The following ZNF385D variants were observed in gnomAD, a reference collection of about 807,000 sequenced individuals.
ZNF385D encodes zinc finger protein 659.
ZNF385D carries 15 observed loss-of-function variants against 35.8 expected under a neutral mutation model. The ratio of observed to expected loss-of-function variants is 0.42; its 90% CI spans 0.28 to 0.64. ZNF385D has a LOEUF of 0.64. ZNF385D is among the 30% of genes least tolerant of loss of function. ZNF385D has a pLI of 0.23. For synonymous variants in ZNF385D, 212 were observed against 186.8 expected (o/e 1.13, Z -1.10); for missense variants, 474 against 494.6 (o/e 0.96, Z 0.39).
chr3:21,636,518 G>A (rs1012322120), intron 2 of ZNF385D, among the ~76,000 whole-genome samples: 6 of 150,564 alleles, frequency 4.0e-5, no homozygotes, highest in Non-Finnish European at 7.4e-5. Context: ...CAAAGCTGAA[G>A]AACTTGGAGT....
At chr3:22,119,563 G>C (rs1350289700) in intron 3 of ZNF385D, among the ~76,000 whole-genome samples, 1 of 151,954 alleles carries the variant, frequency 6.6e-6, no homozygotes, top group Non-Finnish European at 1.5e-5. Flanking sequence ...TAGCTTCTTA[G>C]AGTTGCTCTG....
chr3:22,164,216 C>CTTTTTTTTTTTTTT lies in ZNF385D; in HGVS notation c.325+4587_325+4600dup, dbSNP rs571978176. Among the ~76,000 whole-genome samples, 675 of 74,926 alleles carry CTTTTTTTTTTTTTT rather than the reference C, an allele frequency of 9.0e-3. 65 individuals carry two copies. The highest frequency in any genetic ancestry group is 0.01 in the Middle Eastern group (1 of 96). 49.2% of individuals were successfully genotyped at this position (74,926 alleles called of 152,430 possible). A position where few individuals can be genotyped will look rare whatever the true frequency, so the allele number is the denominator to read the frequency against. ...CACTATAGGTAATACAAAAGGAGCA[C>CTTTTTTTTTTTTTT]TTTTTTTTTTTTTTTTTTTTTTTTT... On this transcript the variant is annotated intron_variant, in intron 3 of 5. Coordinates refer to the ZNF385D transcript ENST00000494108.
chr3:22,227,352 G>A (rs768977977), intron 2 of ZNF385D, among the ~76,000 whole-genome samples: 44 of 152,058 alleles, frequency 2.9e-4, no homozygotes, highest in Non-Finnish European at 5.7e-4. Flanking sequence ...AAGGAAGGAC[G>A]TGAATCTGAT....
intron 3 of ZNF385D, among the ~76,000 whole-genome samples, chr3:21,773,272 T>C (rs187212244): frequency 7.9e-5 from 12 of 151,446 alleles, no homozygotes; most frequent in Admixed American, 2.6e-4. Flanking sequence ...ATATTTACCA[T>C]TTTGTGCTTT....
chr3:21,629,787 T>G (rs1005684120), intron 2 of ZNF385D, among the ~76,000 whole-genome samples: 12 of 152,072 alleles, frequency 7.9e-5, no homozygotes, highest in African/African-American at 2.9e-4. Context: ...GTTTTTAATA[T>G]CTAGTCATGG....
At position 22,000,642 on chromosome 3, in the gene ZNF385D, A is replaced by C. The variant is rs369202878; in HGVS notation, c.325+168175T>G. 1.8e-3 allele frequency among the ~76,000 whole-genome samples: 275 copies of C among 152,310 alleles called. 3 individuals carry two copies. In the South Asian group the frequency reaches 0.022, roughly 12 times the overall value. ...CAAAGACAAAGAGAGAATTCTAGAA[A>C]CAGCAAGGGAAAAGCATCAAGTCAA... is the stretch of plus-strand genomic sequence containing the variant. On this transcript the variant is annotated intron_variant, in intron 3 of 5. Coordinates refer to the ZNF385D transcript ENST00000494108.
chr3:21,824,371 T>C (rs1694463304), intron 3 of ZNF385D, among the ~76,000 whole-genome samples: 1 of 152,210 alleles, frequency 6.6e-6, no homozygotes, highest in African/African-American at 2.4e-5. Context: ...TACAACTGTG[T>C]AACACTATGC....
intron 3 of ZNF385D, among the ~76,000 whole-genome samples, chr3:22,064,715 G>A (rs911714503): frequency 1.3e-5 from 2 of 152,148 alleles, no homozygotes; most frequent in African/African-American, 2.4e-5. Flanking sequence ...ATGATCTCAC[G>A]TATACATGGA....
At chr3:22,358,257 G>T (rs563683003) in intron 2 of ZNF385D, among the ~76,000 whole-genome samples, 94 of 151,820 alleles carry the variant, frequency 6.2e-4, no homozygotes, top group Non-Finnish European at 1.0e-3. Flanking sequence ...CATAGATACT[G>T]CCCTTTCCAA....
intron 3 of ZNF385D, among the ~76,000 whole-genome samples, chr3:21,815,336 G>A (rs1575702983): frequency 6.6e-6 from 1 of 152,116 alleles, no homozygotes; most frequent in South Asian, 2.1e-4. Flanking sequence ...ACTAAGATCA[G>A]AGCAGAACTG....
At chr3:22,284,152 T>C (rs887486638) in intron 2 of ZNF385D, among the ~76,000 whole-genome samples, 39 of 151,924 alleles carry the variant, frequency 2.6e-4, no homozygotes, top group African/African-American at 8.4e-4. Context: ...TTTAAAAGCT[T>C]AAACATTATC....
chr3:21,718,241 T>C (rs923012494), intron 1 of ZNF385D, among the ~76,000 whole-genome samples: 3 of 152,236 alleles, frequency 2.0e-5, no homozygotes, highest in Admixed American at 6.5e-5. Flanking sequence ...TTTCCAGATT[T>C]ACTCCTGATC....
intron 2 of ZNF385D, among the ~76,000 whole-genome samples, chr3:22,321,274 T>C (rs1694415654): frequency 6.7e-6 from 1 of 148,948 alleles, no homozygotes; most frequent in South Asian, 2.2e-4. Flanking sequence ...GTGTAAAACA[T>C]ATTTTGTATA....
At chr3:22,356,491 T>C (rs1696155246) in intron 2 of ZNF385D, among the ~76,000 whole-genome samples, 1 of 151,942 alleles carries the variant, frequency 6.6e-6, no homozygotes, top group African/African-American at 2.4e-5. Flanking sequence ...CACAATGTTG[T>C]CCTTGGCTAT....
At chr3:21,911,506 T>C (rs1264918615) in intron 3 of ZNF385D, among the ~76,000 whole-genome samples, 2 of 151,968 alleles carry the variant, frequency 1.3e-5, no homozygotes, top group African/African-American at 4.8e-5. Flanking sequence ...TTTTTATTTG[T>C]ATTATGGCCA....
intron 2 of ZNF385D, among the ~76,000 whole-genome samples, chr3:22,348,807 C>T (rs544380386): frequency 5.9e-4 from 90 of 152,276 alleles, no homozygotes; most frequent in Non-Finnish European, 3.8e-4. Flanking sequence ...ATGGTGATAG[C>T]AGACTTCTGG....
intron 2 of ZNF385D, among the ~76,000 whole-genome samples, chr3:22,314,571 C>A (rs1036059815): frequency 6.6e-6 from 1 of 151,980 alleles, no homozygotes; most frequent in Non-Finnish European, 1.5e-5. Context: ...TTCTTCTACC[C>A]AGGATATTAA....
intron 3 of ZNF385D, among the ~76,000 whole-genome samples, chr3:21,886,518 C>A (rs941510680): frequency 6.6e-6 from 1 of 151,976 alleles, no homozygotes; most frequent in African/African-American, 2.4e-5. Flanking sequence ...TGTTCCTTAT[C>A]CTTTCTGAAG....
intron 2 of ZNF385D, among the ~76,000 whole-genome samples, chr3:22,355,162 T>C (rs1399963588): frequency 6.6e-6 from 1 of 152,196 alleles, no homozygotes; most frequent in East Asian, 1.9e-4. Context: ...TTCGTTCCTT[T>C]ATATAGTCTC....
Sources: gnomAD v4.1 joint callset for allele counts (sites outside exome capture counted in the v4.1 genomes callset) on GRCh38, gnomAD v4.1.1 for gene constraint, MANE v1.5 for transcripts, NCBI Gene and HGNC (gene_info 2026-07-23, HGNC 2026-07-21) for gene names.